Variants in CIRSR observed in about 807,000 individuals in gnomAD.
CIRSR encodes corepressor of RBPJ and splicing regulator.
At chr2:174,385,402 C>T in the CIRSR span, among the ~76,000 whole-genome samples, 1 of 152,052 alleles carries the variant, frequency 6.6e-6, no homozygotes, top group Non-Finnish European at 1.5e-5. Flanking sequence ...GAAATAAACA[C>T]TTGGCAAATG....
chr2:174,348,416 C>CT, the CIRSR span: 1 of 1,517,638 alleles, frequency 6.6e-7, no homozygotes, highest in South Asian at 1.4e-5. Context: ...TTACCCCTTG[C>CT]TAAAGGTATT....
the CIRSR span, among the ~76,000 whole-genome samples, chr2:174,389,343 C>A: frequency 9.9e-5 from 15 of 152,138 alleles, no homozygotes; most frequent in African/African-American, 3.4e-4. Context: ...GAGGTGGTCT[C>A]AGATGGAGAT....
the CIRSR span, chr2:174,380,552 T>C: frequency 9.5e-7 from 1 of 1,055,704 alleles, no homozygotes. Context: ...TTCACATCAG[T>C]TGCCTCCTCT....
At chr2:174,368,645 T>C in the CIRSR span, among the ~76,000 whole-genome samples, 3 of 152,178 alleles carry the variant, frequency 2.0e-5, no homozygotes, top group Admixed American at 6.5e-5. Flanking sequence ...GACTGTGCCA[T>C]TGCATTTCAG....
At chr2:174,383,299 C>A in the CIRSR span, among the ~76,000 whole-genome samples, 1 of 152,108 alleles carries the variant, frequency 6.6e-6, no homozygotes, top group South Asian at 2.1e-4. Context: ...TAGAAGATTT[C>A]TTTTTTGGAT....
At chr2:174,351,725 C>T in the CIRSR span, 1 of 1,609,196 alleles carries the variant, frequency 6.2e-7, no homozygotes, top group Non-Finnish European at 8.5e-7. Context: ...CATCGATGGC[C>T]CTGTTCACAA....
the CIRSR span, among the ~76,000 whole-genome samples, chr2:174,391,229 C>T: frequency 2.0e-5 from 3 of 152,080 alleles, no homozygotes; most frequent in Admixed American, 2.0e-4. Flanking sequence ...AGGATCAAGG[C>T]ATGGCCAAGG....
the CIRSR span, among the ~76,000 whole-genome samples, chr2:174,357,612 C>A: frequency 6.6e-6 from 1 of 152,164 alleles, no homozygotes; most frequent in Non-Finnish European, 1.5e-5. Flanking sequence ...GCGAATAAGC[C>A]AGTCCCTGTC....
At chr2:174,388,577 G>A in the CIRSR span, among the ~76,000 whole-genome samples, 4 of 151,976 alleles carry the variant, frequency 2.6e-5, no homozygotes, top group Non-Finnish European at 4.4e-5. Context: ...TATATTCATA[G>A]GTAGTCAATG....
chr2:174,371,547 T>G, the CIRSR span, among the ~76,000 whole-genome samples: 1 of 152,196 alleles, frequency 6.6e-6, no homozygotes, highest in Non-Finnish European at 1.5e-5. Context: ...CTGGAGTGGA[T>G]GAAAACTTAT....
chr2:174,387,099 G>C, the CIRSR span, among the ~76,000 whole-genome samples: 80,657 of 152,034 alleles, frequency 0.53, 21,809 homozygotes, highest in East Asian at 0.72. Flanking sequence ...TTTAGTATTA[G>C]TTTGCTAAAT....
chr2:174,363,853 A>T, the CIRSR span, among the ~76,000 whole-genome samples: 1 of 152,178 alleles, frequency 6.6e-6, no homozygotes, highest in African/African-American at 2.4e-5. Flanking sequence ...AACACATGGG[A>T]ATTCAAGATG....
the CIRSR span, among the ~76,000 whole-genome samples, chr2:174,371,223 A>G: frequency 6.6e-6 from 1 of 152,234 alleles, no homozygotes; most frequent in African/African-American, 2.4e-5. Context: ...CTGTGAATAT[A>G]CTAAAGGCCA....
At chr2:174,366,752 A>G in the CIRSR span, among the ~76,000 whole-genome samples, 1 of 152,248 alleles carries the variant, frequency 6.6e-6, no homozygotes, top group Non-Finnish European at 1.5e-5. Flanking sequence ...AATGAAATGT[A>G]TGGCAGCAAT....
chr2:174,386,254 T>C, the CIRSR span, among the ~76,000 whole-genome samples: 3 of 152,326 alleles, frequency 2.0e-5, no homozygotes, highest in East Asian at 5.8e-4. Flanking sequence ...TGATCTTGGC[T>C]TAGCACAACT....
chr2:174,378,496 G>C, the CIRSR span, among the ~76,000 whole-genome samples: 18,913 of 150,874 alleles, frequency 0.13, 1,548 homozygotes, highest in Non-Finnish European at 0.18. Context: ...GTAACTTTAA[G>C]TAAAAAACAA....
the CIRSR span, among the ~76,000 whole-genome samples, chr2:174,368,527 TA>T: frequency 3.9e-5 from 6 of 152,132 alleles, no homozygotes; most frequent in Non-Finnish European, 8.8e-5. Flanking sequence ...TATTTTGAAC[TA>T]AAGAAAATGG....
the CIRSR span, among the ~76,000 whole-genome samples, chr2:174,383,893 A>G: frequency 4.0e-5 from 6 of 151,816 alleles, no homozygotes; most frequent in African/African-American, 1.5e-4. Flanking sequence ...TAGAGAGGAT[A>G]TGGAGAAACT....
the CIRSR span, chr2:174,358,565 A>T: frequency 6.6e-6 from 1 of 152,456 alleles, no homozygotes; most frequent in Non-Finnish European, 1.5e-5. Flanking sequence ...TATATGACTT[A>T]TATGTAATTA....
Sources: allele counts gnomAD v4.1 joint callset (sites outside exome capture counted in the v4.1 genomes callset), GRCh38; gene constraint gnomAD v4.1.1; transcripts MANE v1.5; gene names NCBI Gene and HGNC (gene_info 2026-07-23, HGNC 2026-07-21).